The following OR51B5 variants were observed in gnomAD, a reference collection of about 807,000 sequenced individuals.
The protein encoded by OR51B5 is olfactory receptor 51B5.
For synonymous variants in OR51B5, 186 were observed against 144.8 expected (o/e 1.28, Z -2.04); for missense variants, 456 against 374.6 (o/e 1.22, Z -1.79).
chr11:5,387,478 G>A (rs1263905267), intron 1 of OR51B5, among the ~76,000 whole-genome samples: 2 of 151,886 alleles, frequency 1.3e-5, no homozygotes, highest in Non-Finnish European at 2.9e-5. Flanking sequence ...CCTTGCCAAA[G>A]TGATGTAAGC....
At chr11:5,364,912 C>A (rs1312426419) in intron 1 of OR51B5, among the ~76,000 whole-genome samples, 2 of 152,216 alleles carry the variant, frequency 1.3e-5, no homozygotes, top group Admixed American at 6.5e-5. Context: ...AATTTTTAAT[C>A]ATTGTAGCTT....
chr11:5,465,933 G>A (rs1441697845), intron 1 of OR51B5, among the ~76,000 whole-genome samples: 2 of 151,138 alleles, frequency 1.3e-5, no homozygotes, highest in Admixed American at 6.6e-5. Flanking sequence ...AAAAGCAATG[G>A]CAACAAAAGA....
chr11:5,503,656 TA>T (rs1247564347), intron 1 of OR51B5, among the ~76,000 whole-genome samples: 3 of 152,142 alleles, frequency 2.0e-5, no homozygotes, highest in Non-Finnish European at 2.9e-5. Flanking sequence ...ATTTCAAAGT[TA>T]AAATAATTGA....
At chr11:5,421,103 GCTTT>G (rs1352433568) in intron 1 of OR51B5, among the ~76,000 whole-genome samples, 9 of 152,202 alleles carry the variant, frequency 5.9e-5, no homozygotes, top group Non-Finnish European at 1.2e-4. Flanking sequence ...ATTCAATATG[GCTTT>G]CTAACTTATT....
intron 1 of OR51B5, among the ~76,000 whole-genome samples, chr11:5,408,852 T>C (rs1850100959): frequency 6.6e-6 from 1 of 152,212 alleles, no homozygotes; most frequent in South Asian, 2.1e-4. Flanking sequence ...CCTGAAAGCA[T>C]TTAATTCATA....
At position 5,343,231 on chromosome 11, in the gene OR51B5, CT is replaced by C. The variant is rs1299006975; in HGVS notation, c.293del (p.Gln98ArgfsTer42). 6.2e-7 allele frequency: 1 copy of C among 1,613,728 alleles called. No homozygotes were observed. Among genetic ancestry groups the C allele is most frequent in the East Asian group, 2.2e-5 (1 of 44,832 alleles). ...AGGAAAGTGAGTGTATAAAGTAGGC[CT>C]GGGAAAAGCAGGCCGCACTTCCAAT... On this transcript the variant is annotated frameshift_variant, in exon 1 of 1. Transcript: ENST00000300773. LOFTEE classifies it low-confidence loss of function (END_TRUNC).
chr11:5,368,798 G>A (rs369292557), intron 1 of OR51B5, among the ~76,000 whole-genome samples: 2 of 152,138 alleles, frequency 1.3e-5, no homozygotes, highest in South Asian at 2.1e-4. Context: ...GAAAGCTTAC[G>A]ATGGCTTTTC....
At chr11:5,448,035 A>G (rs1041426611) in intron 1 of OR51B5, among the ~76,000 whole-genome samples, 2 of 152,140 alleles carry the variant, frequency 1.3e-5, no homozygotes, top group Admixed American at 6.6e-5. Flanking sequence ...TCAAATTTGT[A>G]AGGTTTAATT....
intron 1 of OR51B5, chr11:5,422,199 T>C (rs763474704): frequency 6.2e-7 from 1 of 1,601,002 alleles, no homozygotes; most frequent in Non-Finnish European, 8.5e-7. Context: ...CATTCATCAG[T>C]CATGTCCCAG....
chr11:5,345,110 C>G (rs1174562106), upstream of OR51B5, among the ~76,000 whole-genome samples: 4 of 152,278 alleles, frequency 2.6e-5, no homozygotes, highest in South Asian at 6.2e-4. Context: ...TAGGGCCTTA[C>G]AGACCACCAC....
chr11:5,453,693 A>G (rs578230333), intron 1 of OR51B5: 2 of 1,613,760 alleles, frequency 1.2e-6, no homozygotes, highest in East Asian at 4.5e-5. Flanking sequence ...GTTGTCCTTC[A>G]GTGATGTGGC....
chr11:5,389,244 A>G (rs1372285420), intron 1 of OR51B5: 2 of 763,228 alleles, frequency 2.6e-6, no homozygotes, highest in East Asian at 2.5e-5. Flanking sequence ...AGAAAGTTCA[A>G]TAAAGTAGTG....
At chr11:5,502,873 T>C (rs554773597) in intron 1 of OR51B5, among the ~76,000 whole-genome samples, 1 of 152,348 alleles carries the variant, frequency 6.6e-6, no homozygotes, top group South Asian at 2.1e-4. Flanking sequence ...TATTTTAAAC[T>C]CCTTAGGGTA....
chr11:5,352,793 T>A (rs1438276700), intron 1 of OR51B5, among the ~76,000 whole-genome samples: 1 of 148,218 alleles, frequency 6.7e-6, no homozygotes, highest in Admixed American at 6.8e-5. Context: ...TACATACCCA[T>A]ACACTATTAT....
intron 1 of OR51B5, chr11:5,422,839 T>G: frequency 6.2e-7 from 1 of 1,614,182 alleles, no homozygotes; most frequent in Non-Finnish European, 8.5e-7. Flanking sequence ...TCGTGGATCC[T>G]CTGCTCATTG....
chr11:5,352,109 T>C, intron 1 of OR51B5: 35 of 1,614,216 alleles, frequency 2.2e-5, no homozygotes, highest in Non-Finnish European at 3.0e-5. Context: ...GTTGTAGTTT[T>C]ATTTGCAATG....
At chr11:5,444,633 A>G (rs1850736113) in intron 1 of OR51B5, among the ~76,000 whole-genome samples, 1 of 152,180 alleles carries the variant, frequency 6.6e-6, no homozygotes, top group African/African-American at 2.4e-5. Flanking sequence ...CTTTCCTTGT[A>G]GCTGGATATA....
chr11:5,411,481 CTG>C (rs34630244), intron 1 of OR51B5, among the ~76,000 whole-genome samples: 123,459 of 151,908 alleles, frequency 0.81, 51,217 homozygotes, highest in Non-Finnish European at 0.89. Context: ...TGACACATGA[CTG>C]TATTTCTAAT....
intron 1 of OR51B5, among the ~76,000 whole-genome samples, chr11:5,492,551 G>T (rs750036738): frequency 6.6e-6 from 1 of 152,098 alleles, no homozygotes; most frequent in Non-Finnish European, 1.5e-5. Context: ...TCTGTGTAAA[G>T]GCAAGACAAG....
Sources: gnomAD v4.1 joint callset for allele counts (sites outside exome capture counted in the v4.1 genomes callset) on GRCh38, gnomAD v4.1.1 for gene constraint, MANE v1.5 for transcripts, NCBI Gene and HGNC (gene_info 2026-07-23, HGNC 2026-07-21) for gene names.